The following RNFT2 variants were observed in gnomAD, a reference collection of about 807,000 sequenced individuals.
The protein encoded by RNFT2 is ring finger protein, transmembrane 2, also known as E3 ubiquitin-protein ligase RNFT2.
In RNFT2, 36 loss-of-function variants were observed where a neutral mutation model predicts 53.0. The observed-to-expected ratio is 0.68, with a 90% confidence interval of 0.52 to 0.90. RNFT2 has a LOEUF of 0.90. Among genes scored for constraint, RNFT2 ranks in the 40% least tolerant of loss-of-function variants. The pLI, the probability that RNFT2 is intolerant of heterozygous loss-of-function variation, is 0.00. For missense variants in RNFT2, 514 were observed against 585.6 expected (o/e 0.88, Z 1.26); for synonymous variants, 260 against 253.2 (o/e 1.03, Z -0.26).
At chr12:116,841,920 A>AAAATATATATATATAAATATATATAT (rs1565876221) in intron 10 of RNFT2, among the ~76,000 whole-genome samples, 1 of 35,894 alleles carries the variant, frequency 2.8e-5, no homozygotes, top group Non-Finnish European at 4.1e-5. Context: ...TATATATATA[A>AAAATATATATATATAAATATATATAT]AAATATATAT....
At chr12:116,773,118 C>T (rs1012791044) in intron 6 of RNFT2, among the ~76,000 whole-genome samples, 5 of 152,044 alleles carry the variant, frequency 3.3e-5, no homozygotes, top group African/African-American at 7.2e-5. Context: ...TGAGCCACCA[C>T]GCCCGGCCAA....
chr12:116,819,338 C>T (rs570500323), intron 7 of RNFT2, among the ~76,000 whole-genome samples: 7 of 152,302 alleles, frequency 4.6e-5, no homozygotes, highest in African/African-American at 1.7e-4. Context: ...GCTCGGGGGC[C>T]TGGTACCGGC....
intron 6 of RNFT2, among the ~76,000 whole-genome samples, chr12:116,771,614 A>C (rs1156596837): frequency 6.6e-6 from 1 of 151,778 alleles, no homozygotes; most frequent in Non-Finnish European, 1.5e-5. Context: ...GTTAAGTGAT[A>C]AAAATGTCTA....
At chr12:116,826,335 G>A (rs779979302) in intron 7 of RNFT2, among the ~76,000 whole-genome samples, 7 of 151,770 alleles carry the variant, frequency 4.6e-5, no homozygotes, top group East Asian at 1.9e-4. Flanking sequence ...GCAGAGAACC[G>A]TCCATGCCCA....
rs773860912 is a variant in RNFT2, at chr12:116,753,982, A to G, written c.551-2A>G. 1 of 1,613,774 alleles carries G rather than the reference A, an allele frequency of 6.2e-7. No homozygotes were observed. The highest frequency in any genetic ancestry group is 2.2e-5 in the East Asian group (1 of 44,886). ...GACATCAGGCCCTTCTCTGTCCCAC[A>G]GGCATTGCTGTGTGCATCGGGATGG... On this transcript the variant is annotated splice_acceptor_variant, in intron 4 of 10. Transcript: ENST00000257575. LOFTEE classifies it high-confidence loss of function.
intron 6 of RNFT2, among the ~76,000 whole-genome samples, chr12:116,772,966 C>T (rs1212491724): frequency 1.3e-5 from 2 of 152,052 alleles, no homozygotes; most frequent in Non-Finnish European, 2.9e-5. Flanking sequence ...GTAGCTAGGA[C>T]TACAGACACA....
intron 7 of RNFT2, among the ~76,000 whole-genome samples, chr12:116,802,961 A>G (rs2137153836): frequency 6.6e-6 from 1 of 151,974 alleles, no homozygotes; most frequent in Admixed American, 6.6e-5. Flanking sequence ...CTAGCACGGT[A>G]GCATATGCAT....
Position 116,849,532 on chromosome 12 carries a change from C to G in RNFT2, c.*84C>G. The stretch of plus-strand genomic sequence containing the variant: ...CTGCGGGGGCTTCCTGAGAAACAGG[C>G]CTCAAGCACTTACATCCTGCCTCTT... On this transcript the variant is annotated 3_prime_UTR_variant, in exon 11 of 11. Coordinates refer to ENST00000257575, the MANE Select transcript of RNFT2 (RefSeq NM_001382266.1). The G allele has an allele frequency of 6.8e-7, 1 of 1,469,804 alleles. No homozygotes were observed. The highest frequency in any genetic ancestry group is 1.4e-5 in the South Asian group (1 of 74,034). 91.0% of individuals were successfully genotyped at this position (1,469,804 alleles called of 1,614,324 possible).
intron 3 of RNFT2, among the ~76,000 whole-genome samples, chr12:116,747,624 G>A (rs116669686): frequency 0.054 from 8,231 of 152,126 alleles, 238 homozygotes; most frequent in Middle Eastern, 0.071. Flanking sequence ...CTGCCATTTC[G>A]GACTGAATAA....
intron 5 of RNFT2, among the ~76,000 whole-genome samples, chr12:116,762,064 CAAA>C (rs796440574): frequency 4.1e-5 from 5 of 121,664 alleles, no homozygotes; most frequent in Admixed American, 1.7e-4. Flanking sequence ...GAGACTGTCT[CAAA>C]AAAAAAAAAA....
intron 7 of RNFT2, among the ~76,000 whole-genome samples, chr12:116,790,694 T>A (rs1237858282): frequency 6.6e-6 from 1 of 152,242 alleles, no homozygotes; most frequent in African/African-American, 2.4e-5. Context: ...CAATGGCTCA[T>A]GCCTGTTATC....
At chr12:116,811,182 A>T (rs1478425319) in intron 7 of RNFT2, among the ~76,000 whole-genome samples, 1 of 152,054 alleles carries the variant, frequency 6.6e-6, no homozygotes, top group Non-Finnish European at 1.5e-5. Context: ...AGGTGGGAGG[A>T]TGGCTTGAGC....
At chr12:116,794,270 A>G (rs974790277) in intron 7 of RNFT2, among the ~76,000 whole-genome samples, 1 of 151,788 alleles carries the variant, frequency 6.6e-6, no homozygotes, top group Non-Finnish European at 1.5e-5. Flanking sequence ...GTCTCAAAAA[A>G]AAGCCTGATA....
intron 4 of RNFT2, 74 bp from the exon 5 acceptor site, chr12:116,753,910 C>A: frequency 8.7e-7 from 1 of 1,151,446 alleles, no homozygotes; most frequent in South Asian, 1.2e-5. Context: ...TGCCTTTTCC[C>A]CCATGTTGCT....
At chr12:116,847,397 G>A (rs1310670894) in intron 10 of RNFT2, among the ~76,000 whole-genome samples, 3 of 152,120 alleles carry the variant, frequency 2.0e-5, no homozygotes, top group Non-Finnish European at 2.9e-5. Flanking sequence ...ATCTTCCAAT[G>A]AGGGGGTTCT....
intron 6 of RNFT2, among the ~76,000 whole-genome samples, chr12:116,767,596 T>C (rs552896144): frequency 5.9e-5 from 9 of 152,258 alleles, no homozygotes; most frequent in African/African-American, 1.4e-4. Context: ...TTCTTGTTTT[T>C]TGAGACAGAG....
rs1872033801 is a variant in RNFT2 at position 116,748,843 on chromosome 12, C to T, written c.84-998C>T. The T allele has an allele frequency of 1.7e-5, 4 of 239,868 alleles. No individual in the cohort carries two copies. The Admixed American group carries it at 1.7e-4, about 10-fold the overall frequency. 14.9% of individuals were successfully genotyped at this position (239,868 alleles called of 1,614,324 possible). ...AGAGTCGGCCTGGGTTCGAATCTCC[C>T]CTGCTCCATCCCTTACCAGCTCTGT... is the stretch of plus-strand genomic sequence containing the variant. On this transcript the variant is annotated intron_variant, in intron 3 of 10. Transcript: ENST00000257575.
intron 7 of RNFT2, among the ~76,000 whole-genome samples, chr12:116,816,308 G>A (rs1196548312): frequency 5.9e-5 from 9 of 152,162 alleles, no homozygotes; most frequent in African/African-American, 9.7e-5. Flanking sequence ...AGGGAACCAT[G>A]GCCAATGAAA....
intron 7 of RNFT2, among the ~76,000 whole-genome samples, chr12:116,788,991 TAAATG>T (rs1874074764): frequency 7.2e-6 from 1 of 139,304 alleles, no homozygotes; most frequent in Admixed American, 7.2e-5. Context: ...GATGGGTAGA[TAAATG>T]AGAGGAGAGT....
Sources: allele counts gnomAD v4.1 joint callset (sites outside exome capture counted in the v4.1 genomes callset), GRCh38; gene constraint gnomAD v4.1.1; transcripts MANE v1.5; gene names NCBI Gene and HGNC (gene_info 2026-07-23, HGNC 2026-07-21).